The following LRRC66 variants were observed in gnomAD, a reference collection of about 807,000 sequenced individuals.
LRRC66 encodes the protein leucine rich repeat containing 66.
In LRRC66, 29 loss-of-function variants were observed where a neutral mutation model predicts 24.6. The ratio of observed to expected loss-of-function variants is 1.18; its 90% CI spans 0.88 to 1.61. LRRC66 has a LOEUF of 1.61. LRRC66 is among the 40% of genes most tolerant of loss of function. The pLI is 0.00. For synonymous variants in LRRC66, 411 were observed against 397.6 expected (o/e 1.03, Z -0.40); for missense variants, 1,124 against 1,058.0 (o/e 1.06, Z -0.87).
At chr4:52,003,831 T>C (rs1007850698) in intron 2 of LRRC66, among the ~76,000 whole-genome samples, 1 of 152,198 alleles carries the variant, frequency 6.6e-6, no homozygotes, top group Non-Finnish European at 1.5e-5. Context: ...CATGTACTAC[T>C]TTCAAAATAA....
rs773760440 is a variant in LRRC66, at chr4:51,996,072, A to G, written c.950T>C (p.Ile317Thr). ...CTGGGGCCTCTCTGCTTTGCTCCTT[A>G]TGAGGCTTTTCATGCGATGCAGATG... ...PIHLHRMKSL[I>T]RSKAERPQGG... Residue 317 changes from isoleucine (I) to threonine (T), a missense_variant, in exon 5 of 5, where the codon ATA becomes ACA. Transcript: ENST00000682860. 4 of 1,613,742 alleles carry G rather than the reference A, an allele frequency of 2.5e-6. No homozygotes were observed. Among genetic ancestry groups the G allele is most frequent in the African/African-American group, 1.3e-5 (1 of 74,902 alleles).
At chr4:51,998,064 A>G (rs1736364810) in intron 3 of LRRC66, 127 bp from the exon 4 acceptor site, 2 of 786,400 alleles carry the variant, frequency 2.5e-6, no homozygotes, top group Non-Finnish European at 4.1e-6. Flanking sequence ...CTGGTTTACA[A>G]GTCAGGGAAT....
At chr4:52,016,615 A>AT (rs1295961641) in intron 2 of LRRC66, among the ~76,000 whole-genome samples, 1 of 152,156 alleles carries the variant, frequency 6.6e-6, no homozygotes, top group Non-Finnish European at 1.5e-5. Context: ...TTTTGACTTG[A>AT]TAATCAGAAG....
chr4:52,003,869 T>C (rs1191503854), intron 2 of LRRC66, among the ~76,000 whole-genome samples: 1 of 152,246 alleles, frequency 6.6e-6, no homozygotes, highest in Non-Finnish European at 1.5e-5. Context: ...ATAACTTTGA[T>C]TGAAAGACGT....
intron 3 of LRRC66, among the ~76,000 whole-genome samples, chr4:51,999,802 G>T (rs1430949797): frequency 1.3e-5 from 2 of 152,122 alleles, no homozygotes; most frequent in African/African-American, 4.8e-5. Flanking sequence ...TTTGAAAGGG[G>T]TATACATTAT....
Position 52,006,183 on chromosome 4 carries a change from C to T in LRRC66, c.497-2791G>A, listed in dbSNP as rs1025911449. ...CTAGAACTAGAAATACCATTTGACC[C>T]AGCCATCCCATTACTGGGTATATAC... On this transcript the variant is annotated intron_variant, in intron 2 of 4. Coordinates refer to ENST00000682860, the MANE Select transcript of LRRC66 (RefSeq NM_001024611.3). Among the ~76,000 whole-genome samples, 4 of 152,256 alleles carry T rather than the reference C, an allele frequency of 2.6e-5. No homozygotes were observed. In the South Asian group the frequency reaches 8.3e-4, roughly 32 times the overall value.
chr4:51,994,706 G>T lies in LRRC66; in HGVS notation c.2316C>A (p.Pro772=). The T allele has an allele frequency of 1.2e-6, 2 of 1,614,172 alleles. No individual in the cohort carries two copies. The highest frequency in any genetic ancestry group is 1.7e-6 in the Non-Finnish European group (2 of 1,180,022). The change falls in exon 5 of 5, where the codon CCC becomes CCA. Residue 772 remains proline (P), a synonymous_variant. Coordinates refer to ENST00000682860, the MANE Select transcript of LRRC66 (RefSeq NM_001024611.3). ...GAGCAGAAATGAGAGGTTTTTCAAA[G>T]GGATCTTCTTGATTCTTGCATTTCC... The part of the protein sequence containing the change: ...IPGKCKNQED[P]FEKPLISAPD...
intron 3 of LRRC66, 145 bp from the exon 4 acceptor site, chr4:51,998,082 G>T: frequency 1.4e-6 from 1 of 695,484 alleles, no homozygotes; most frequent in South Asian, 2.2e-5. Flanking sequence ...AATTAGTGGG[G>T]TTTTAAGTCT....
chr4:51,997,015 T>C (rs1450085838), intron 4 of LRRC66, among the ~76,000 whole-genome samples: 1 of 152,244 alleles, frequency 6.6e-6, no homozygotes, highest in East Asian at 1.9e-4. Context: ...ATGAATTTCC[T>C]CTAAACCTGG....
chr4:52,009,147 C>T (rs1192962025), intron 2 of LRRC66, among the ~76,000 whole-genome samples: 1 of 152,000 alleles, frequency 6.6e-6, no homozygotes, highest in Non-Finnish European at 1.5e-5. Context: ...TCTAAATAAC[C>T]CATGGGACCA....
intron 4 of LRRC66, 65 bp from the exon 5 acceptor site, chr4:51,996,230 TC>T: frequency 7.0e-7 from 1 of 1,435,618 alleles, no homozygotes; most frequent in South Asian, 1.4e-5. Flanking sequence ...GGGGTTTTTC[TC>T]TTTTTTACAG....
intron 2 of LRRC66, among the ~76,000 whole-genome samples, chr4:52,011,121 A>G (rs529650557): frequency 6.6e-6 from 1 of 152,308 alleles, no homozygotes; most frequent in African/African-American, 2.4e-5. Flanking sequence ...CACTTAGTAA[A>G]TACTCCCTCT....
chr4:51,995,086 C>T lies in LRRC66; in HGVS notation c.1936G>A (p.Glu646Lys), dbSNP rs1242907576. Residue 646 changes from glutamate to lysine, a missense_variant, in exon 5 of 5, where the codon GAG becomes AAG. Physicochemically the swap from Glu to Lys is moderately conservative, Grantham distance 56. Coordinates refer to ENST00000682860, the MANE Select transcript of LRRC66 (RefSeq NM_001024611.3). ...CTGTAGTGGGCTGAAAGCGCTTCCT[C>T]AGCCCTTGCCCCGGACAGCCTTGGC... ...QQPRLSGARA[E>K]EALSAHYSEV... is the part of the protein sequence containing the mutation. 3.1e-6 allele frequency: 5 copies of T among 1,614,246 alleles called. No individual in the cohort carries two copies. Among genetic ancestry groups the T allele is most frequent in the Non-Finnish European group, 3.4e-6 (4 of 1,180,044 alleles).
At chr4:52,003,445 C>T (rs1736501744) in intron 2 of LRRC66, 53 bp from the exon 3 acceptor site, 18 of 1,524,218 alleles carry the variant, frequency 1.2e-5, no homozygotes, top group Non-Finnish European at 1.5e-5. Context: ...TTTACTGCAG[C>T]ACTGTTTGTA....
chr4:52,001,973 A>C (rs1736456570), intron 3 of LRRC66, among the ~76,000 whole-genome samples: 1 of 152,252 alleles, frequency 6.6e-6, no homozygotes, highest in African/African-American at 2.4e-5. Flanking sequence ...GTATTTAAAC[A>C]TATATATCAG....
At position 51,996,176 on chromosome 4, in the gene LRRC66, G is replaced by T. The variant is rs1448965744; in HGVS notation, c.857-11C>A. On this transcript the variant is annotated splice_polypyrimidine_tract_variant and intron_variant, in intron 4 of 4. Coordinates refer to ENST00000682860, the MANE Select transcript of LRRC66 (RefSeq NM_001024611.3). ...TGGCCTCCTCACTCCCTGCAAGTGG[G>T]ATTAAAAAAATACACATTGAGCGAA... 6.4e-7 allele frequency: 1 copy of T among 1,556,010 alleles called. No individual in the cohort carries two copies.
At position 51,995,062 on chromosome 4, in the gene LRRC66, T is replaced by C. The variant is rs1308103164; in HGVS notation, c.1960A>G (p.Ser654Gly). ...RAEEALSAHY[S>G]EVPYGDPRDT... ...CTTGGGTCACCGTATGGAACCTCGC[T>C]GTAGTGGGCTGAAAGCGCTTCCTCA... Residue 654 changes from serine (S) to glycine (G), a missense_variant, in exon 5 of 5, where the codon AGC becomes GGC. Physicochemically the swap from Ser to Gly is moderately conservative, Grantham distance 56 (BLOSUM62 0). Transcript: ENST00000682860. 6.2e-7 allele frequency: 1 copy of C among 1,614,068 alleles called. No individual in the cohort carries two copies. The highest frequency in any genetic ancestry group is 8.5e-7 in the Non-Finnish European group (1 of 1,180,046).
At chr4:52,007,116 G>A (rs1208390033) in intron 2 of LRRC66, among the ~76,000 whole-genome samples, 3 of 152,118 alleles carry the variant, frequency 2.0e-5, no homozygotes, top group Non-Finnish European at 2.9e-5. Context: ...CTTGTGTCAC[G>A]GAGTACTAGA....
In LRRC66 at chr4:52,017,139, T is replaced by G; in HGVS notation, c.475A>C (p.Lys159Gln). 2 of 1,613,756 alleles carry G rather than the reference T, an allele frequency of 1.2e-6. No homozygotes were observed. The highest frequency in any genetic ancestry group is 8.5e-7 in the Non-Finnish European group (1 of 1,179,848). The change falls in exon 2 of 5, where the codon AAA becomes CAA. Residue 159 changes from lysine to glutamine, a missense_variant. Lys to Gln is a moderately conservative substitution (Grantham distance 53). Coordinates refer to ENST00000682860, the MANE Select transcript of LRRC66 (RefSeq NM_001024611.3). ...LLKVLILQRNKLSDTPKGLWK... is the reference protein window; with the variant it reads ...LLKVLILQRNQLSDTPKGLWK... ...TCACCCTTGGGAGTGTCACTGAGTTTATTTCTTTGAAGAATGAGCACCTTC... is the reference window on the plus strand; with the variant it reads ...TCACCCTTGGGAGTGTCACTGAGTTGATTTCTTTGAAGAATGAGCACCTTC...
Sources: allele counts gnomAD v4.1 joint callset (sites outside exome capture counted in the v4.1 genomes callset), GRCh38; gene constraint gnomAD v4.1.1; transcripts MANE v1.5; gene names NCBI Gene and HGNC (gene_info 2026-07-23, HGNC 2026-07-21).